The following AGPAT3 variants were observed in gnomAD, a reference collection of about 807,000 sequenced individuals.
The protein encoded by AGPAT3 is 1-acylglycerol-3-phosphate O-acyltransferase 3.
Under a neutral mutation model 47.3 loss-of-function variants are expected in AGPAT3, and 5 were observed. The ratio of observed to expected loss-of-function variants is 0.11; its 90% CI spans 0.06 to 0.22. The LOEUF is 0.22. Among genes scored for constraint, AGPAT3 ranks in the 10% least tolerant of loss-of-function variants. The pLI, the probability that AGPAT3 is intolerant of heterozygous loss-of-function variation, is 1.00. For synonymous variants in AGPAT3, 212 were observed against 208.3 expected, an observed-to-expected ratio of 1.02 and a Z score of -0.15; for missense variants, 315 against 493.0, an observed-to-expected ratio of 0.64 and a Z score of 3.42.
chr21:43,904,328 G>A (rs2838427), intron 2 of AGPAT3, among the ~76,000 whole-genome samples: 5 of 152,108 alleles, frequency 3.3e-5, no homozygotes, highest in Admixed American at 1.3e-4. Flanking sequence ...GGGCTGAGGC[G>A]CCTACCAGGG....
At chr21:43,972,216 C>T (rs929212914) in intron 7 of AGPAT3, among the ~76,000 whole-genome samples, 2 of 152,074 alleles carry the variant, frequency 1.3e-5, no homozygotes, top group African/African-American at 4.8e-5. Flanking sequence ...TCAATCTTGG[C>T]TCACTGCAAC....
chr21:43,920,298 G>A lies in AGPAT3; in HGVS notation c.-49+16279G>A, dbSNP rs1011083377. Among the ~76,000 whole-genome samples the A allele has an allele frequency of 9.2e-5, 14 of 152,202 alleles. No homozygotes were observed. The highest frequency in any genetic ancestry group is 3.4e-3 in the Middle Eastern group (1 of 294). On this transcript the variant is annotated intron_variant, in intron 2 of 9. Transcript: ENST00000291572. This position sits in a 1 kb window ranked among gnomAD's most constrained non-coding sequence, Gnocchi z 6.1. ...TGTGTCAGTGTGAGAGTGTGTGTGT[G>A]CGTGTGAGTGTTGAATGTGTGTGTG...
At chr21:43,898,189 A>G (rs2086273172) in intron 1 of AGPAT3, among the ~76,000 whole-genome samples, 1 of 152,184 alleles carries the variant, frequency 6.6e-6, no homozygotes, top group South Asian at 2.1e-4. Context: ...AAAAAAATTT[A>G]ACTGGATCAT....
In AGPAT3 at chr21:43,969,217, G is replaced by A; in HGVS notation, c.448G>A (p.Glu150Lys). ...TGTGTTCTGCAAGCGGAAGTGGGAG[G>A]AGGACCGGGACACCGTGGTCGAAGG... Reference protein sequence around the residue: ...EIVFCKRKWEEDRDTVVEGLR... With the variant: ...EIVFCKRKWEKDRDTVVEGLR... The change falls in exon 5 of 10, where the codon GAG (glutamate) becomes AAG (lysine). Residue 150 changes from glutamate to lysine, a missense_variant. Glu to Lys is a moderately conservative substitution (Grantham distance 56). Transcript: ENST00000291572. The A allele has an allele frequency of 6.2e-7, 1 of 1,614,242 alleles. No individual in the cohort carries two copies. Among genetic ancestry groups the A allele is most frequent in the Non-Finnish European group, 8.5e-7 (1 of 1,180,030 alleles).
Position 43,932,753 on chromosome 21 carries a change from C to T in AGPAT3, c.-48-26881C>T, listed in dbSNP as rs148398890. On this transcript the variant is annotated intron_variant, in intron 2 of 9. Coordinates refer to ENST00000291572, the MANE Select transcript of AGPAT3 (RefSeq NM_020132.5). This position sits in a 1 kb window ranked among gnomAD's most constrained non-coding sequence, Gnocchi z 5.2. ...GCAAGCTCCGCCTCTTGGGTTCAAG[C>T]GATTCTTTTGCTTCAGCCTCCCGAG... 2.6e-5 allele frequency among the ~76,000 whole-genome samples: 4 copies of T among 152,312 alleles called. No homozygotes were observed. The highest frequency in any genetic ancestry group is 4.8e-5 in the African/African-American group (2 of 41,556).
intron 2 of AGPAT3, among the ~76,000 whole-genome samples, chr21:43,947,996 C>T (rs1311161147): frequency 6.6e-6 from 1 of 152,240 alleles, no homozygotes; most frequent in Non-Finnish European, 1.5e-5. Flanking sequence ...GAATACGAGC[C>T]ATTCGCTTAG....
At chr21:43,878,759 G>T (rs2085788426) in intron 1 of AGPAT3, among the ~76,000 whole-genome samples, 1 of 146,008 alleles carries the variant, frequency 6.8e-6, no homozygotes, top group Admixed American at 6.8e-5. Flanking sequence ...TTTGGACACA[G>T]AGTTTTACTC....
intron 2 of AGPAT3, chr21:43,950,827 T>A (rs755719859): frequency 1.3e-5 from 2 of 152,310 alleles, no homozygotes; most frequent in Non-Finnish European, 2.9e-5. Context: ...CACGCTGCGT[T>A]TAAAGCGGGA....
intron 2 of AGPAT3, among the ~76,000 whole-genome samples, chr21:43,921,052 G>A (rs974497885): frequency 6.6e-6 from 1 of 152,220 alleles, no homozygotes; most frequent in Non-Finnish European, 1.5e-5. Flanking sequence ...GGCGGAGCTT[G>A]CAGTGAGCCG....
chr21:43,980,608 G>A (rs1230150878), intron 8 of AGPAT3, among the ~76,000 whole-genome samples: 6 of 152,230 alleles, frequency 3.9e-5, no homozygotes, highest in East Asian at 1.9e-4. Flanking sequence ...CATCCAGGCC[G>A]CGGGACTCAC....
intron 1 of AGPAT3, among the ~76,000 whole-genome samples, chr21:43,870,309 G>C (rs140447371): frequency 6.6e-6 from 1 of 152,138 alleles, no homozygotes; most frequent in Admixed American, 6.5e-5. Context: ...CTAGAACATT[G>C]GTTAGAAAAT....
In AGPAT3 at chr21:43,934,973, C is replaced by T. The variant is rs552435249; in HGVS notation, c.-48-24661C>T. On this transcript the variant is annotated intron_variant, in intron 2 of 9. Coordinates refer to ENST00000291572, the MANE Select transcript of AGPAT3 (RefSeq NM_020132.5). The surrounding 1 kb of genome is among the most constrained non-coding windows in gnomAD (Gnocchi z 4.7). ...ACATGCCACTCACATGCCATTGACA[C>T]GCCACCACGCCACTTACGCCACCCA... is the stretch of plus-strand genomic sequence containing the variant. Among the ~76,000 whole-genome samples the T allele has an allele frequency of 4.3e-3, 644 of 150,534 alleles. 5 individuals carry two copies. Among genetic ancestry groups the T allele is most frequent in the Middle Eastern group, 0.01 (3 of 290 alleles).
At chr21:43,973,351 C>G (rs1044479371) in intron 7 of AGPAT3, among the ~76,000 whole-genome samples, 1 of 152,254 alleles carries the variant, frequency 6.6e-6, no homozygotes, top group Non-Finnish European at 1.5e-5. Flanking sequence ...ATGATAGCAG[C>G]TGGTGGCCCT....
chr21:43,895,141 G>T, intron 1 of AGPAT3, among the ~76,000 whole-genome samples: 1 of 149,266 alleles, frequency 6.7e-6, no homozygotes, highest in African/African-American at 2.5e-5. Flanking sequence ...GTCTTGCTCT[G>T]TCCCCCAGTC....
intron 7 of AGPAT3, among the ~76,000 whole-genome samples, chr21:43,977,785 G>T (rs1376375987): frequency 6.6e-6 from 1 of 152,084 alleles, no homozygotes; most frequent in East Asian, 1.9e-4. Flanking sequence ...TGCTGGGGAG[G>T]CTGAGGCAGG....
intron 1 of AGPAT3, among the ~76,000 whole-genome samples, chr21:43,877,636 G>T (rs1198176578): frequency 6.6e-6 from 1 of 151,970 alleles, no homozygotes; most frequent in Admixed American, 6.6e-5. Flanking sequence ...TAGAGACGGG[G>T]TTTCTCCTTG....
At chr21:43,912,206 C>T (rs1237076970) in intron 2 of AGPAT3, among the ~76,000 whole-genome samples, 5 of 152,260 alleles carry the variant, frequency 3.3e-5, no homozygotes, top group Admixed American at 6.5e-5. Context: ...CCACTGTGTG[C>T]CTTCAGTCCA....
chr21:43,879,742 C>T (rs1292444246), intron 1 of AGPAT3, among the ~76,000 whole-genome samples: 13 of 152,220 alleles, frequency 8.5e-5, no homozygotes, highest in Non-Finnish European at 1.6e-4. Context: ...GCTGTCTGCA[C>T]TCTGAGTCCT....
intron 7 of AGPAT3, among the ~76,000 whole-genome samples, chr21:43,977,287 G>A (rs533849721): frequency 3.3e-5 from 5 of 152,268 alleles, no homozygotes; most frequent in African/African-American, 9.6e-5. Context: ...GAAGCAAGTG[G>A]ATTTCATTTG....
Sources: gnomAD v4.1 joint callset for allele counts (sites outside exome capture counted in the v4.1 genomes callset) on GRCh38, gnomAD v4.1.1 for gene constraint, Gnocchi (gnomAD v3.1) non-coding constraint, MANE v1.5 for transcripts, NCBI Gene and HGNC (gene_info 2026-07-23, HGNC 2026-07-21) for gene names.